The following PIAS2 variants were observed in gnomAD, a reference collection of about 807,000 sequenced individuals.
PIAS2 encodes E3 SUMO-protein ligase PIAS2.
A neutral mutation model predicts 69.7 loss-of-function variants in PIAS2; 19 were observed. That is an observed-to-expected ratio of 0.27 (90% CI 0.19 to 0.40). PIAS2 has a LOEUF of 0.40. Ranked by LOEUF, PIAS2 falls within the 10% of genes least tolerant of loss-of-function variation. The pLI is 1.00. For missense variants in PIAS2, 624 were observed against 757.0 expected (o/e 0.82, Z 2.06); for synonymous variants, 261 against 263.2 (o/e 0.99, Z 0.08).
At chr18:46,902,298 T>G (rs1043957913) in intron 1 of PIAS2, among the ~76,000 whole-genome samples, 1 of 149,502 alleles carries the variant, frequency 6.7e-6, no homozygotes, top group Admixed American at 6.6e-5. Context: ...GGCTCACGCC[T>G]GTAATCTCAG....
At position 46,846,734 on chromosome 18, in the gene PIAS2, G is replaced by T; in HGVS notation, c.834C>A (p.Ser278=). ...RLSSAVPNQI[S]ISWASEIGKN... Reference sequence around the variant, plus strand: ...TCCCAATTTCTGATGCCCAAGAAATGGAAATTTGGTTTGGCACAGCTGAAG... The same window carrying T: ...TCCCAATTTCTGATGCCCAAGAAATTGAAATTTGGTTTGGCACAGCTGAAG... The change falls in exon 6 of 14, where the codon TCC becomes TCA. Residue 278 remains serine (S), a synonymous_variant. Transcript: ENST00000585916. 1 of 1,611,562 alleles carries T rather than the reference G, an allele frequency of 6.2e-7. No homozygotes were observed. Among genetic ancestry groups the T allele is most frequent in the Non-Finnish European group, 8.5e-7 (1 of 1,178,798 alleles).
intron 1 of PIAS2, among the ~76,000 whole-genome samples, chr18:46,906,771 T>TGG (rs1308249438): frequency 2.1e-5 from 2 of 96,392 alleles, no homozygotes; most frequent in African/African-American, 8.3e-5. Flanking sequence ...TATGTGTGTG[T>TGG]GTGGGGGGGG....
chr18:46,879,176 G>T (rs543657322), intron 2 of PIAS2, among the ~76,000 whole-genome samples: 36 of 152,286 alleles, frequency 2.4e-4, no homozygotes, highest in Non-Finnish European at 3.8e-4. Context: ...TAAAATAAAA[G>T]GGAGTAGGGT....
chr18:46,919,416 G>A (rs1181956024), upstream of PIAS2, among the ~76,000 whole-genome samples: 1 of 152,012 alleles, frequency 6.6e-6, no homozygotes, highest in African/African-American at 2.4e-5. Flanking sequence ...AACCCTGGAG[G>A]CGGAGGTTCC....
chr18:46,818,478 G>T, intron 12 of PIAS2: 1 of 1,531,532 alleles, frequency 6.5e-7, no homozygotes, highest in Admixed American at 1.9e-5. Context: ...TGTTTATGAT[G>T]TTTAAAAGGA....
chr18:46,870,994 C>A (rs575914408), intron 2 of PIAS2, among the ~76,000 whole-genome samples: 58 of 152,166 alleles, frequency 3.8e-4, no homozygotes, highest in African/African-American at 1.2e-3. Context: ...ATTCCATATA[C>A]AACAAAGAAA....
At chr18:46,826,085 T>C (rs1334838410) in intron 11 of PIAS2, among the ~76,000 whole-genome samples, 1 of 152,220 alleles carries the variant, frequency 6.6e-6, no homozygotes, top group African/African-American at 2.4e-5. Flanking sequence ...TGGAACGAAC[T>C]AGGTAGCTGC....
At chr18:46,829,690 C>T in intron 10 of PIAS2, 44 bp downstream of exon 10, 1 of 1,563,356 alleles carries the variant, frequency 6.4e-7, no homozygotes, top group Admixed American at 1.8e-5. Context: ...GATAATGTTG[C>T]ACGAGTCTCA....
intron 1 of PIAS2, chr18:46,903,711 C>T (rs1241633714): frequency 6.6e-6 from 1 of 152,244 alleles, no homozygotes; most frequent in Middle Eastern, 3.4e-3. Flanking sequence ...CACTCCTGGG[C>T]ATTTATCTCC....
At position 46,805,934 on chromosome 18, in the gene PIAS2, C is replaced by T. The variant is rs1599198945; in HGVS notation, c.*6499G>A. ...CTTCACTCTAAACTGCCTCCTGTCT[C>T]TGTAGATAGTGCCATTAACATCCAA... On this transcript the variant is annotated 3_prime_UTR_variant, in exon 14 of 14. Coordinates refer to ENST00000585916, the MANE Select transcript of PIAS2 (RefSeq NM_004671.5). The T allele has an allele frequency of 6.6e-6, 1 of 152,184 alleles. No homozygotes were observed. The highest frequency in any genetic ancestry group is 1.5e-5 in the Non-Finnish European group (1 of 68,040). The allele number at this position is 152,184 out of a possible 1,614,324, so 9.4% of individuals were successfully genotyped here. A position where few individuals can be genotyped will look rare whatever the true frequency, so the allele number is the denominator to read the frequency against.
chr18:46,815,330 A>C lies in PIAS2; in HGVS notation c.1668T>G (p.Leu556=). 2 of 1,612,118 alleles carry C rather than the reference A, an allele frequency of 1.2e-6. No individual in the cohort carries two copies. Among genetic ancestry groups the C allele is most frequent in the Admixed American group, 3.3e-5 (2 of 59,978 alleles). ...TACATACCTGGGGATCAACTGGAAT[A>C]AGGGAAAGAAAATCCAAACCTAAAA... ...SDLPGLDFLS[L]IPVDPQYCPP... Residue 556 remains leucine (L), a synonymous_variant, in exon 13 of 14, where the codon CTT becomes CTG. Coordinates refer to ENST00000585916, the MANE Select transcript of PIAS2 (RefSeq NM_004671.5).
chr18:46,827,747 C>G (rs1377256258), intron 11 of PIAS2: 1 of 460,332 alleles, frequency 2.2e-6, no homozygotes, highest in African/African-American at 2.0e-5. Context: ...ATAAATACCT[C>G]ACACGCTCAC....
At chr18:46,875,385 T>C (rs936800363) in intron 2 of PIAS2, among the ~76,000 whole-genome samples, 6 of 152,166 alleles carry the variant, frequency 3.9e-5, no homozygotes, top group South Asian at 4.1e-4. Context: ...CCCCATCAAA[T>C]TGTAAGTCAC....
intron 10 of PIAS2, 28 bp from the exon 11 acceptor site, chr18:46,828,158 A>G (rs1435909795): frequency 6.3e-7 from 1 of 1,575,044 alleles, no homozygotes; most frequent in African/African-American, 1.4e-5. Context: ...AAAGGAAAAA[A>G]AAATTAAAGG....
chr18:46,875,122 C>A (rs2050957998), intron 2 of PIAS2, among the ~76,000 whole-genome samples: 1 of 152,174 alleles, frequency 6.6e-6, no homozygotes, highest in Admixed American at 6.5e-5. Context: ...CATCCCTTAA[C>A]CCTTCAGTTT....
chr18:46,837,721 C>T (rs746651959), intron 8 of PIAS2, among the ~76,000 whole-genome samples: 1 of 152,194 alleles, frequency 6.6e-6, no homozygotes, highest in Non-Finnish European at 1.5e-5. Flanking sequence ...GTACACAACA[C>T]TCAGATTTGA....
intron 11 of PIAS2, among the ~76,000 whole-genome samples, chr18:46,823,917 AC>A (rs2042487116): frequency 6.6e-6 from 1 of 152,202 alleles, no homozygotes; most frequent in Non-Finnish European, 1.5e-5. Flanking sequence ...GATATGAGTA[AC>A]AGATTCCATG....
At chr18:46,851,763 A>C (rs2047003903) in intron 5 of PIAS2, among the ~76,000 whole-genome samples, 1 of 152,200 alleles carries the variant, frequency 6.6e-6, no homozygotes, top group Non-Finnish European at 1.5e-5. Context: ...TCAAAGTAAT[A>C]CCATTTCCCA....
chr18:46,833,173 G>A (rs541030676), intron 9 of PIAS2, among the ~76,000 whole-genome samples: 67 of 152,160 alleles, frequency 4.4e-4, no homozygotes, highest in Non-Finnish European at 7.2e-4. Flanking sequence ...ACCCATCAAC[G>A]CATGAAATGA....
Sources: gnomAD v4.1 joint callset for allele counts (sites outside exome capture counted in the v4.1 genomes callset) on GRCh38, gnomAD v4.1.1 for gene constraint, MANE v1.5 for transcripts, NCBI Gene and HGNC (gene_info 2026-07-23, HGNC 2026-07-21) for gene names.